The following CSMD1 variants were observed in gnomAD, a reference collection of about 807,000 sequenced individuals.
CSMD1 encodes CUB and sushi domain-containing protein 1.
In CSMD1, 213 loss-of-function variants were observed where a neutral mutation model predicts 417.5. The ratio of observed to expected loss-of-function variants is 0.51; its 90% confidence interval spans 0.46 to 0.57. CSMD1 has a LOEUF of 0.57. Among genes scored for constraint, CSMD1 ranks in the 20% least tolerant of loss-of-function variants. CSMD1 has a pLI of 0.00. For missense variants in CSMD1, 6,923 were observed against 4,529.7 expected, an observed-to-expected ratio of 1.53 and a Z score of -15.17; for synonymous variants, 2,862 against 1,736.8, an observed-to-expected ratio of 1.65 and a Z score of -16.11.
At chr8:4,058,765 A>G (rs1300955385) in intron 3 of CSMD1, among the ~76,000 whole-genome samples, 5 of 144,846 alleles carry the variant, frequency 3.5e-5, no homozygotes, top group Admixed American at 7.0e-5. Flanking sequence ...ATATGCACCC[A>G]ATACAGGAGC....
chr8:4,051,831 CTT>C (rs1305925560), intron 3 of CSMD1, among the ~76,000 whole-genome samples: 1 of 142,888 alleles, frequency 7.0e-6, no homozygotes, highest in African/African-American at 2.6e-5. Flanking sequence ...TCTTTCTTCT[CTT>C]TCTTTTCTTT....
intron 3 of CSMD1, among the ~76,000 whole-genome samples, chr8:4,062,682 C>G (rs6991762): frequency 0.24 from 36,223 of 151,724 alleles, 4,928 homozygotes; most frequent in South Asian, 0.31. Context: ...TTGTGCAAGA[C>G]CCATGATGGC....
chr8:3,652,801 A>G (rs547519701), intron 7 of CSMD1, among the ~76,000 whole-genome samples: 2 of 152,334 alleles, frequency 1.3e-5, no homozygotes, highest in Admixed American at 6.5e-5. Context: ...TACCTGGAAT[A>G]TAAAGTCCTG....
chr8:4,969,708 G>A (rs74931468), intron 1 of CSMD1, among the ~76,000 whole-genome samples: 2,685 of 152,000 alleles, frequency 0.018, 88 homozygotes, highest in African/African-American at 0.062. Context: ...AGATTCCTGC[G>A]GCTGGCTTTC....
At chr8:3,375,610 T>C (rs1395248324) in intron 18 of CSMD1, among the ~76,000 whole-genome samples, 1 of 152,146 alleles carries the variant, frequency 6.6e-6, no homozygotes, top group Non-Finnish European at 1.5e-5. Flanking sequence ...ATAGAAACTT[T>C]CCACCAAAAG....
At chr8:3,918,309 C>T (rs985030961) in intron 5 of CSMD1, among the ~76,000 whole-genome samples, 2 of 152,076 alleles carry the variant, frequency 1.3e-5, no homozygotes, top group Non-Finnish European at 2.9e-5. Flanking sequence ...AGCCAATTTA[C>T]ATTCCTACCA....
At chr8:3,519,946 T>G (rs1029292231) in intron 10 of CSMD1, among the ~76,000 whole-genome samples, 1 of 151,696 alleles carries the variant, frequency 6.6e-6, no homozygotes, top group African/African-American at 2.4e-5. Flanking sequence ...CTAATATAAT[T>G]TCGCTGAAAG....
chr8:3,182,578 CTGTGTG>C (rs35090952), intron 36 of CSMD1, among the ~76,000 whole-genome samples: 5,499 of 93,104 alleles, frequency 0.059, 174 homozygotes, highest in South Asian at 0.085. Context: ...TTATAAGAAG[CTGTGTG>C]TGTGTGTGTG....
intron 6 of CSMD1, among the ~76,000 whole-genome samples, chr8:3,725,467 G>C (rs1168581317): frequency 6.6e-6 from 1 of 152,202 alleles, no homozygotes; most frequent in Non-Finnish European, 1.5e-5. Context: ...GGCCAAAGGA[G>C]AAATACCGGT....
intron 68 of CSMD1, among the ~76,000 whole-genome samples, chr8:2,948,270 A>C (rs1456703159): frequency 2.0e-5 from 3 of 152,160 alleles, no homozygotes; most frequent in Admixed American, 2.0e-4. Flanking sequence ...ATCTCGTAAC[A>C]ACCTTGGGAA....
rs1802838363 is a variant in CSMD1 at position 2,954,212 on chromosome 8, T to C, written c.10039+12A>G. ...ATTGGATTGAAATCTAGAACTGTTC[T>C]GGTATACAAACCTGGAGTTTTAGTA... On this transcript the variant is annotated intron_variant, in intron 65 of 69. Transcript: ENST00000635120. 1.4e-5 allele frequency: 21 copies of C among 1,460,890 alleles called. No homozygotes were observed. The East Asian group carries it at 4.7e-4, about 33-fold the overall frequency. 90.5% of individuals were successfully genotyped at this position (1,460,890 alleles called of 1,614,324 possible). A position where few individuals can be genotyped will look rare whatever the true frequency, so the allele number is the denominator to read the frequency against.
intron 3 of CSMD1, among the ~76,000 whole-genome samples, chr8:4,042,053 A>G (rs1355342035): frequency 1.3e-5 from 2 of 152,220 alleles, no homozygotes; most frequent in Non-Finnish European, 1.5e-5. Context: ...CCAAGCAGAC[A>G]CAAGTATGTA....
chr8:4,891,675 T>A (rs934732868), intron 1 of CSMD1, among the ~76,000 whole-genome samples: 1 of 152,120 alleles, frequency 6.6e-6, no homozygotes. Context: ...TATGTATTTA[T>A]CCTAAGGGCT....
Position 4,312,784 on chromosome 8 carries a change from T to C in CSMD1, c.415+107169A>G, listed in dbSNP as rs891312288. Among the ~76,000 whole-genome samples the C allele has an allele frequency of 5.3e-5, 8 of 151,970 alleles. No homozygotes were observed. The East Asian group carries it at 9.7e-4, about 18-fold the overall frequency. On this transcript the variant is annotated intron_variant, in intron 3 of 69. Transcript: ENST00000635120. ...AGCTACTCCGGAGGCTGAAGCAGGA[T>C]AATTGCTTGAACCAGGGTGGTGGAG...
intron 6 of CSMD1, among the ~76,000 whole-genome samples, chr8:3,744,371 A>G (rs1373272344): frequency 6.6e-6 from 1 of 152,230 alleles, no homozygotes; most frequent in African/African-American, 2.4e-5. Flanking sequence ...AGGGCACAGC[A>G]GGACCAGATT....
At chr8:3,043,937 A>C (rs576143754) in intron 50 of CSMD1, 1 of 152,440 alleles carries the variant, frequency 6.6e-6, no homozygotes, top group African/African-American at 2.4e-5. Context: ...ATTCATAAAT[A>C]AAAATGTCTC....
intron 5 of CSMD1, among the ~76,000 whole-genome samples, chr8:3,812,211 C>A (rs1025359115): frequency 1.3e-5 from 2 of 152,048 alleles, no homozygotes; most frequent in Admixed American, 1.3e-4. Context: ...AACAATATAT[C>A]GTTTGTACTC....
chr8:3,001,085 T>G (rs1807367662), intron 52 of CSMD1, among the ~76,000 whole-genome samples: 1 of 152,086 alleles, frequency 6.6e-6, no homozygotes, highest in Non-Finnish European at 1.5e-5. Context: ...GCTCAAGTCA[T>G]CTTTTGGCCT....
chr8:3,015,328 A>G (rs1035350389), intron 52 of CSMD1, among the ~76,000 whole-genome samples: 6 of 152,118 alleles, frequency 3.9e-5, no homozygotes, highest in African/African-American at 1.4e-4. Context: ...AATTTCTTGC[A>G]GAAAATCTGG....
Sources: gnomAD v4.1 joint callset for allele counts (sites outside exome capture counted in the v4.1 genomes callset) on GRCh38, gnomAD v4.1.1 for gene constraint, MANE v1.5 for transcripts, NCBI Gene and HGNC (gene_info 2026-07-23, HGNC 2026-07-21) for gene names.